Variants in OCEL1 observed in about 807,000 individuals in gnomAD.
The protein encoded by OCEL1 is occludin/ELL domain-containing protein 1.
A neutral mutation model predicts 29.4 loss-of-function variants in OCEL1; 24 were observed. The observed-to-expected ratio is 0.82, with a 90% CI of 0.59 to 1.15. The LOEUF (loss-of-function observed/expected upper bound fraction) is 1.15. Ranked by LOEUF, OCEL1 falls within the 50% of genes most tolerant of loss-of-function variation. The probability of loss-of-function intolerance (pLI) is 0.00; values close to 1 mark genes in which losing one functional copy is unlikely to be tolerated. For synonymous variants in OCEL1, 172 were observed against 145.3 expected (o/e 1.18, Z -1.32); for missense variants, 402 against 352.5 (o/e 1.14, Z -1.13).
chr19:17,228,038 C>A, intron 4 of OCEL1, 33 bp downstream of exon 4: 2 of 1,607,168 alleles, frequency 1.2e-6, no homozygotes, highest in Non-Finnish European at 1.7e-6. Context: ...TGCCCCGCAG[C>A]CCTTCTGAGT....
intron 1 of OCEL1, 37 bp downstream of exon 1, chr19:17,226,353 G>A: frequency 6.2e-7 from 1 of 1,600,942 alleles, no homozygotes; most frequent in Non-Finnish European, 8.5e-7. Flanking sequence ...CGGCCTTGCA[G>A]GTGGGGCGGA....
At position 17,228,952 on chromosome 19, in the gene OCEL1, G is replaced by C; in HGVS notation, c.*27G>C. 2 of 1,603,340 alleles carry C rather than the reference G, an allele frequency of 1.2e-6. No homozygotes were observed. The highest frequency in any genetic ancestry group is 1.7e-6 in the Non-Finnish European group (2 of 1,174,800). ...TGCCCCTGCAGATGGGCAGAGGGAT[G>C]CATGGGGATGCAGGTCCCTTGCATT... On this transcript the variant is annotated 3_prime_UTR_variant, in exon 6 of 6. Coordinates refer to ENST00000215061, the MANE Select transcript of OCEL1 (RefSeq NM_024578.3).
Position 17,229,042 on chromosome 19 carries a change from G to A in OCEL1, c.*117G>A. On this transcript the variant is annotated 3_prime_UTR_variant, in exon 6 of 6. Transcript: ENST00000215061. ...ACCAGGGGTCGCTTTCTCCTGGATTGCAAATGCCTCTTCAGTTTGGACTCA... is the reference window on the plus strand; with the variant it reads ...ACCAGGGGTCGCTTTCTCCTGGATTACAAATGCCTCTTCAGTTTGGACTCA... 8.1e-7 allele frequency: 1 copy of A among 1,240,168 alleles called. No individual in the cohort carries two copies. Among genetic ancestry groups the A allele is most frequent in the Non-Finnish European group, 1.1e-6 (1 of 906,108 alleles). 76.8% of individuals were successfully genotyped at this position (1,240,168 alleles called of 1,614,324 possible). A position where few individuals can be genotyped will look rare whatever the true frequency, so the allele number is the denominator to read the frequency against.
At chr19:17,227,342 A>G in intron 3 of OCEL1, 143 bp downstream of exon 3, 1 of 655,806 alleles carries the variant, frequency 1.5e-6, no homozygotes, top group Non-Finnish European at 2.3e-6. Flanking sequence ...GTCCCTGTGA[A>G]TAAGCCACTG....
chr19:17,227,435 A>C (rs528556024), intron 3 of OCEL1, among the ~76,000 whole-genome samples: 1 of 152,290 alleles, frequency 6.6e-6, no homozygotes, highest in East Asian at 1.9e-4. Context: ...TCATGCCTGT[A>C]ATCCCAGCAC....
chr19:17,228,367 G>A (rs910347858), intron 5 of OCEL1, 58 bp downstream of exon 5: 65 of 1,532,490 alleles, frequency 4.2e-5, no homozygotes, highest in Non-Finnish European at 5.3e-5. Flanking sequence ...TGAGGCTGGG[G>A]TGCCTGTGCC....
In OCEL1 at chr19:17,227,052, C is replaced by G. The variant is rs748333545; in HGVS notation, c.305C>G (p.Pro102Arg). ...AGCGCCCCCCGCCCTCCGTGCCAGCCCCAGCCGGGACCCCACAAGGCAAAG... is the reference window on the plus strand; with the variant it reads ...AGCGCCCCCCGCCCTCCGTGCCAGCGCCAGCCGGGACCCCACAAGGCAAAG... The part of the protein sequence containing the change: ...KTSAPRPPCQ[P>R]QPGPHKAKTK... Residue 102 changes from proline (P) to arginine (R), a missense_variant, in exon 3 of 6, where the codon CCC (proline) becomes CGC (arginine). Physicochemically the swap from Pro to Arg is moderately radical, Grantham distance 103. Coordinates refer to ENST00000215061, the MANE Select transcript of OCEL1 (RefSeq NM_024578.3). 21 of 1,609,324 alleles carry G rather than the reference C, an allele frequency of 1.3e-5. No homozygotes were observed. In the Middle Eastern group the frequency reaches 9.9e-4, roughly 76 times the overall value.
At position 17,226,255 on chromosome 19, in the gene OCEL1, A is replaced by G. The variant is rs1470153364; in HGVS notation, c.8A>G (p.Asn3Ser). MHNPDGSASPTAD... is the reference protein window; with the variant it reads MHSPDGSASPTAD... The stretch of plus-strand genomic sequence containing the variant: ...GGGTCCATCCTGCAGTAAATGCACA[A>G]CCCGGACGGAAGTGCCTCTCCGACA... Residue 3 changes from asparagine (N) to serine (S), a missense_variant, in exon 1 of 6, where the codon AAC becomes AGC. Coordinates refer to ENST00000215061, the MANE Select transcript of OCEL1 (RefSeq NM_024578.3). The G allele has an allele frequency of 6.2e-7, 1 of 1,610,728 alleles. No individual in the cohort carries two copies. The highest frequency in any genetic ancestry group is 1.3e-5 in the African/African-American group (1 of 74,976).
intron 1 of OCEL1, 57 bp downstream of exon 1, chr19:17,226,373 G>A (rs1027378301): frequency 2.5e-6 from 4 of 1,579,492 alleles, no homozygotes; most frequent in Non-Finnish European, 2.6e-6. Flanking sequence ...AGGTCCCGAG[G>A]AGCTCCTCGG....
chr19:17,226,312 GA>G lies in OCEL1; in HGVS notation c.66del (p.Gln23ArgfsTer27), dbSNP rs775121823. 1 of 1,611,876 alleles carries G rather than the reference GA, an allele frequency of 6.2e-7. No individual in the cohort carries two copies. Among genetic ancestry groups the G allele is most frequent in the East Asian group, 2.2e-5 (1 of 44,796 alleles). On this transcript the variant is annotated frameshift_variant, in exon 1 of 6. Transcript: ENST00000215061. LOFTEE classifies it high-confidence loss of function. ...ADPGSELQTL[G>X]QAARRPPPPR... ...CCAGGCTCGGAGCTCCAGACGCTGG[GA>G]CAGGTGACCCGGGGCGGTAGCGAGC...
At chr19:17,226,614 C>A (rs1250815354) in intron 1 of OCEL1, 79 bp from the exon 2 acceptor site, 9 of 1,369,614 alleles carry the variant, frequency 6.6e-6, no homozygotes, top group Middle Eastern at 5.3e-4. Context: ...GAGAGTTGGC[C>A]GCTCTTCGGC....
At chr19:17,226,499 T>C (rs2288541) in intron 1 of OCEL1, 183 bp downstream of exon 1, 128,994 of 885,490 alleles carry the variant, frequency 0.15, 11,375 homozygotes, top group African/African-American at 0.29. Context: ...ACATAGCGCT[T>C]ATTTGGGTTG....
In OCEL1 at chr19:17,227,993, A is replaced by G. The variant is rs146648325; in HGVS notation, c.606A>G (p.Pro202=). 6 of 1,611,634 alleles carry G rather than the reference A, an allele frequency of 3.7e-6. No homozygotes were observed. In the East Asian group the frequency reaches 8.9e-5, roughly 24 times the overall value. ...QLEALLSSLP[P]PQSQKEAQVA... ...AGGCCCTGCTGAGCTCCCTGCCCCC[A>G]CCCCAAAGCCAGGTCAGCACTAGGG... The change falls in exon 4 of 6, where the codon CCA becomes CCG. Residue 202 remains proline, a synonymous_variant. Coordinates refer to ENST00000215061, the MANE Select transcript of OCEL1 (RefSeq NM_024578.3).
rs1419094429 is a variant in OCEL1, at chr19:17,228,287, G to A, written c.650G>A (p.Arg217Lys). The change falls in exon 5 of 6, where the codon AGG (arginine) becomes AAG (lysine). Residue 217 changes from arginine to lysine, a missense_variant. By Grantham distance (26) the Arg-to-Lys change is conservative (BLOSUM62 2). Transcript: ENST00000215061. ...GCCCAAGTTGCAGCCCGGGTTTGGA[G>A]GGAGTTTGAGATGAAGCGAATGGTG... ...KEAQVAARVW[R>K]EFEMKRMDPG... The A allele has an allele frequency of 6.2e-6, 10 of 1,614,010 alleles. No homozygotes were observed. The African/African-American group carries it at 8.0e-5, about 13-fold the overall frequency.
chr19:17,226,870 G>A lies in OCEL1; in HGVS notation c.246+1G>A. 6.6e-7 allele frequency: 1 copy of A among 1,524,838 alleles called. No homozygotes were observed. 94.5% of individuals were successfully genotyped at this position (1,524,838 alleles called of 1,614,324 possible). A position where few individuals can be genotyped will look rare whatever the true frequency, so the allele number is the denominator to read the frequency against. ...TCACCCGCCTGGGCCTGGGCCCCCG[G>A]TGAGCCTGACCGGGAGGGGGTCCCC... On this transcript the variant is annotated splice_donor_variant, in intron 2 of 5. Coordinates refer to ENST00000215061, the MANE Select transcript of OCEL1 (RefSeq NM_024578.3). LOFTEE classifies it high-confidence loss of function.
At position 17,226,278 on chromosome 19, in the gene OCEL1, A is replaced by G; in HGVS notation, c.31A>G (p.Thr11Ala). 1 of 1,612,444 alleles carries G rather than the reference A, an allele frequency of 6.2e-7. No homozygotes were observed. The highest frequency in any genetic ancestry group is 1.1e-5 in the South Asian group (1 of 90,840). The change falls in exon 1 of 6, where the codon ACA becomes GCA. Residue 11 changes from threonine to alanine, a missense_variant. By Grantham distance (58) the Thr-to-Ala change is moderately conservative. Coordinates refer to ENST00000215061, the MANE Select transcript of OCEL1 (RefSeq NM_024578.3). MHNPDGSASP[T>A]ADPGSELQTL... ...CAACCCGGACGGAAGTGCCTCTCCG[A>G]CAGCAGATCCAGGCTCGGAGCTCCA...
rs922843400 is a variant in OCEL1 at position 17,227,096 on chromosome 19, G to C, written c.349G>C (p.Glu117Gln). 1 of 1,608,678 alleles carries C rather than the reference G, an allele frequency of 6.2e-7. No individual in the cohort carries two copies. Among genetic ancestry groups the C allele is most frequent in the African/African-American group, 1.3e-5 (1 of 74,270 alleles). Residue 117 changes from glutamate (E) to glutamine (Q), a missense_variant, in exon 3 of 6, where the codon GAG (glutamate) becomes CAG (glutamine). Transcript: ENST00000215061. ...HKAKTKKIVF[E>Q]DELLSQALLG... ...GGCAAAGACCAAGAAGATTGTGTTT[G>C]AGGATGAGTTGCTCTCCCAGGCCCT...
In OCEL1 at chr19:17,228,267, A is replaced by C. The variant is rs150253956; in HGVS notation, c.630A>C (p.Gln210His). ...LPPPQSQKEA[Q>H]VAARVWREFE... is the part of the protein sequence containing the mutation. ...TCCTCCCCTTGCAGAAGGAGGCCCA[A>C]GTTGCAGCCCGGGTTTGGAGGGAGT... Residue 210 changes from glutamine to histidine, a missense_variant, in exon 5 of 6, where the codon CAA (glutamine) becomes CAC (histidine). Coordinates refer to ENST00000215061, the MANE Select transcript of OCEL1 (RefSeq NM_024578.3). The C allele has an allele frequency of 4.6e-5, 74 of 1,613,934 alleles. No homozygotes were observed. In the African/African-American group the frequency reaches 9.5e-4, roughly 21 times the overall value.
intron 3 of OCEL1, 66 bp from the exon 4 acceptor site, chr19:17,227,774 T>G: frequency 6.4e-7 from 1 of 1,553,878 alleles, no homozygotes; most frequent in East Asian, 2.3e-5. Flanking sequence ...GAAAAGCAAA[T>G]TACACTGACT....
Sources: gnomAD v4.1 joint callset for allele counts (sites outside exome capture counted in the v4.1 genomes callset) on GRCh38, gnomAD v4.1.1 for gene constraint, MANE v1.5 for transcripts, NCBI Gene and HGNC (gene_info 2026-07-23, HGNC 2026-07-21) for gene names.